The following AGBL4 variants were observed in gnomAD, a reference collection of about 807,000 sequenced individuals.
AGBL4 encodes the protein cytosolic carboxypeptidase 6.
In AGBL4, 58 loss-of-function variants were observed where a neutral mutation model predicts 66.4. That is an observed-to-expected ratio of 0.87 (90% confidence interval 0.71 to 1.09). The LOEUF is 1.09. Among genes scored for constraint, AGBL4 ranks in the 50% least tolerant of loss-of-function variants. The probability of loss-of-function intolerance (pLI) is 0.00; values close to 1 mark genes in which losing one functional copy is unlikely to be tolerated. For missense variants in AGBL4, 579 were observed against 631.0 expected (o/e 0.92, Z 0.88); for synonymous variants, 234 against 222.9 (o/e 1.05, Z -0.44).
intron 3 of AGBL4, among the ~76,000 whole-genome samples, chr1:49,576,571 G>C (rs1033636581): frequency 1.3e-5 from 2 of 152,226 alleles, no homozygotes; most frequent in Admixed American, 6.5e-5. Flanking sequence ...GTCACCATGC[G>C]AATTGAACTG....
chr1:48,798,383 T>G (rs1347871296), intron 6 of AGBL4, among the ~76,000 whole-genome samples: 1 of 152,222 alleles, frequency 6.6e-6, no homozygotes, highest in African/African-American at 2.4e-5. Flanking sequence ...ATTAGTCCTT[T>G]GTCGGATGCA....
rs113065295 is a variant in AGBL4 at position 49,984,089 on chromosome 1, A to G, written c.34+39674T>C. On this transcript the variant is annotated intron_variant, in intron 1 of 13. Coordinates refer to ENST00000371839, the MANE Select transcript of AGBL4 (RefSeq NM_032785.4). ...CTAAGTCCATGCCAGGCAAGGGTAA[A>G]GTCAGGCACTCCTATACTTAACGAA... Among the ~76,000 whole-genome samples, 668 of 152,340 alleles carry G rather than the reference A, an allele frequency of 4.4e-3. 9 individuals carry two copies. Among genetic ancestry groups the G allele is most frequent in the African/African-American group, 0.015 (626 of 41,582 alleles).
chr1:49,777,333 AT>A (rs1644224026), intron 2 of AGBL4, among the ~76,000 whole-genome samples: 2 of 152,264 alleles, frequency 1.3e-5, no homozygotes, highest in South Asian at 4.1e-4. Flanking sequence ...TGCAGCATTC[AT>A]TTTTTTAAAT....
At chr1:49,768,224 CAAG>C (rs1360945804) in intron 2 of AGBL4, among the ~76,000 whole-genome samples, 2 of 151,920 alleles carry the variant, frequency 1.3e-5, no homozygotes. Context: ...ACAATGAAAA[CAAG>C]AAAACTGCAG....
At chr1:48,568,752 G>A (rs1213866509) in intron 11 of AGBL4, among the ~76,000 whole-genome samples, 2 of 152,076 alleles carry the variant, frequency 1.3e-5, no homozygotes, top group Non-Finnish European at 1.5e-5. Flanking sequence ...TTCAGCTCAC[G>A]GGCTCCTCCT....
At chr1:49,614,364 T>C (rs1037971020) in intron 3 of AGBL4, among the ~76,000 whole-genome samples, 1 of 152,194 alleles carries the variant, frequency 6.6e-6, no homozygotes, top group Admixed American at 6.5e-5. Flanking sequence ...GATTCTTCCA[T>C]GTTGTTACAT....
chr1:48,625,262 C>T (rs2148402556), intron 9 of AGBL4, among the ~76,000 whole-genome samples: 1 of 151,974 alleles, frequency 6.6e-6, no homozygotes, highest in Middle Eastern at 3.4e-3. Flanking sequence ...AACTCCTGGC[C>T]TTAAGTGATC....
intron 6 of AGBL4, among the ~76,000 whole-genome samples, chr1:48,808,143 G>A (rs148216877): frequency 7.6e-4 from 115 of 152,234 alleles, no homozygotes; most frequent in Non-Finnish European, 1.5e-3. Context: ...CTCAAGGTCT[G>A]GGACCCGGGG....
chr1:49,355,696 A>G (rs766845662), intron 3 of AGBL4, among the ~76,000 whole-genome samples: 5 of 152,190 alleles, frequency 3.3e-5, no homozygotes, highest in Non-Finnish European at 7.4e-5. Context: ...TCATTCCAGC[A>G]TAATACTTTT....
At chr1:49,466,495 T>C (rs773309545) in intron 3 of AGBL4, among the ~76,000 whole-genome samples, 1 of 151,794 alleles carries the variant, frequency 6.6e-6, no homozygotes, top group African/African-American at 2.4e-5. Context: ...AAAAAGGCCC[T>C]TCCATCTGGT....
Position 49,714,569 on chromosome 1 carries a change from C to CATATATATATATATATAT in AGBL4, c.158-17150_158-17133dup, listed in dbSNP as rs60965691. ...GTTTGTTATAGTTGAGTAGTATTTA[C>CATATATATATATATATAT]ATATATATATATATATATATATATA... On this transcript the variant is annotated intron_variant, in intron 2 of 13. Transcript: ENST00000371839. 3.1e-3 allele frequency among the ~76,000 whole-genome samples: 445 copies of CATATATATATATATATAT among 141,778 alleles called. 4 individuals carry two copies. The highest frequency in any genetic ancestry group is 0.011 in the African/African-American group (401 of 36,948). The allele number at this position is 141,778 out of a possible 152,430, so 93.0% of individuals were successfully genotyped here. A position where few individuals can be genotyped will look rare whatever the true frequency, so the allele number is the denominator to read the frequency against.
At chr1:48,615,646 T>C (rs1363745771) in intron 9 of AGBL4, among the ~76,000 whole-genome samples, 1 of 152,238 alleles carries the variant, frequency 6.6e-6, no homozygotes, top group Non-Finnish European at 1.5e-5. Context: ...AAGATTGCTT[T>C]TCCTATTTGC....
At chr1:48,555,151 T>C (rs56068126) in intron 11 of AGBL4, among the ~76,000 whole-genome samples, 8,874 of 151,434 alleles carry the variant, frequency 0.059, 267 homozygotes, top group South Asian at 0.099. Flanking sequence ...CTTCTCAGAA[T>C]AGGAAACACC....
chr1:49,939,713 T>TAA (rs1176332429), intron 1 of AGBL4, among the ~76,000 whole-genome samples: 1 of 151,234 alleles, frequency 6.6e-6, no homozygotes, highest in Non-Finnish European at 1.5e-5. Context: ...CAAGATGGAT[T>TAA]AGACTTAAAC....
chr1:48,743,085 C>G (rs11205534), intron 6 of AGBL4, among the ~76,000 whole-genome samples: 1 of 151,870 alleles, frequency 6.6e-6, no homozygotes, highest in African/African-American at 2.4e-5. Context: ...TTCTGTTACG[C>G]CTGGGTTGGA....
chr1:48,528,065 C>T (rs1267930628), downstream of AGBL4, among the ~76,000 whole-genome samples: 1 of 152,068 alleles, frequency 6.6e-6, no homozygotes, highest in Non-Finnish European at 1.5e-5. Flanking sequence ...GAGGGAAATG[C>T]ACAACAAACC....
At chr1:49,149,272 A>C (rs889957863) in intron 4 of AGBL4, among the ~76,000 whole-genome samples, 1 of 152,070 alleles carries the variant, frequency 6.6e-6, no homozygotes, top group Non-Finnish European at 1.5e-5. Flanking sequence ...CAAAATTGTT[A>C]CTCTGTATCT....
chr1:49,058,403 G>A (rs1644344026), intron 4 of AGBL4, among the ~76,000 whole-genome samples: 1 of 152,162 alleles, frequency 6.6e-6, no homozygotes, highest in Admixed American at 6.5e-5. Context: ...TCTTTGCTCA[G>A]CAATCCTCCT....
chr1:49,637,014 G>GA (rs1161572555), intron 3 of AGBL4, among the ~76,000 whole-genome samples: 1 of 152,134 alleles, frequency 6.6e-6, no homozygotes, highest in East Asian at 1.9e-4. Context: ...AAAGCAGACA[G>GA]AAAAATGTGA....
Sources: gnomAD v4.1 joint callset for allele counts (sites outside exome capture counted in the v4.1 genomes callset) on GRCh38, gnomAD v4.1.1 for gene constraint, MANE v1.5 for transcripts, NCBI Gene and HGNC (gene_info 2026-07-23, HGNC 2026-07-21) for gene names.